CAST: variants seen among roughly 807,000 people sequenced by gnomAD.
CAST encodes calpastatin.
In CAST, 76 loss-of-function variants were observed where a neutral mutation model predicts 119.6. The ratio of observed to expected loss-of-function variants is 0.64; its 90% confidence interval spans 0.53 to 0.77. CAST has a LOEUF of 0.77. Ranked by LOEUF, CAST falls within the 30% of genes least tolerant of loss-of-function variation. The pLI, the probability that CAST is intolerant of heterozygous loss-of-function variation, is 0.00. For synonymous variants in CAST, 319 were observed against 331.6 expected (o/e 0.96, Z 0.41); for missense variants, 953 against 946.5 (o/e 1.01, Z -0.09).
chr5:96,641,304 A>T (rs1299055002), intron 1 of CAST, among the ~76,000 whole-genome samples: 1 of 152,220 alleles, frequency 6.6e-6, no homozygotes, highest in African/African-American at 2.4e-5. Context: ...TAGGTCTTGC[A>T]CTAGGCAAGA....
intron 8 of CAST, among the ~76,000 whole-genome samples, chr5:96,730,011 G>C (rs1011284266): frequency 6.6e-6 from 1 of 152,204 alleles, no homozygotes; most frequent in African/African-American, 2.4e-5. Flanking sequence ...AGCAGGCTCT[G>C]CTGTCTCCCA....
intron 1 of CAST, among the ~76,000 whole-genome samples, chr5:96,616,753 T>TATACACAC (rs1167637550): frequency 2.3e-3 from 306 of 130,828 alleles, no homozygotes; most frequent in African/African-American, 5.9e-3. Flanking sequence ...TCTATATATA[T>TATACACAC]ACACACACAC....
the CAST span, among the ~76,000 whole-genome samples, chr5:96,142,800 G>A: frequency 6.6e-6 from 1 of 152,190 alleles, no homozygotes; most frequent in Non-Finnish European, 1.5e-5. Flanking sequence ...AGGCTTGGCA[G>A]CTTCCCATTC....
In CAST at chr5:96,699,401, C is replaced by T. The variant is rs139933695; in HGVS notation, c.210+3494C>T. Among the ~76,000 whole-genome samples, 578 of 152,296 alleles carry T rather than the reference C, an allele frequency of 3.8e-3. 10 individuals are homozygous for T. Among genetic ancestry groups the T allele is most frequent in the South Asian group, 0.033 (160 of 4,820 alleles). On this transcript the variant is annotated intron_variant, in intron 3 of 31. Coordinates refer to ENST00000675179, the MANE Select transcript of CAST (RefSeq NM_001750.7). ...AGCCAAAAAGGAATTTCTTAAGGAACGGGGTAGCTGGTAGAGAAATCCAGG... is the reference window on the plus strand; with the variant it reads ...AGCCAAAAAGGAATTTCTTAAGGAATGGGGTAGCTGGTAGAGAAATCCAGG...
the CAST span, among the ~76,000 whole-genome samples, chr5:96,106,749 C>T: frequency 6.6e-6 from 1 of 151,758 alleles, no homozygotes; most frequent in Non-Finnish European, 1.5e-5. Context: ...CCACTTGGTG[C>T]AGAGCTGAGT....
At chr5:96,620,421 T>C (rs1243925232) in intron 1 of CAST, among the ~76,000 whole-genome samples, 2 of 152,188 alleles carry the variant, frequency 1.3e-5, no homozygotes, top group Non-Finnish European at 1.5e-5. Context: ...GCAGTATGCT[T>C]CATGATCTTT....
At chr5:96,201,670 A>G in the CAST span, among the ~76,000 whole-genome samples, 26 of 151,940 alleles carry the variant, frequency 1.7e-4, no homozygotes, top group Admixed American at 1.6e-3. Flanking sequence ...GAGTTAATAC[A>G]TGGATCTGGG....
At chr5:96,427,155 G>A in the CAST span, among the ~76,000 whole-genome samples, 1 of 152,100 alleles carries the variant, frequency 6.6e-6, no homozygotes, top group African/African-American at 2.4e-5. Context: ...TCACAGGGCT[G>A]ATTTGAAAGA....
At chr5:96,433,056 G>GC in the CAST span, 1 of 1,612,536 alleles carries the variant, frequency 6.2e-7, no homozygotes, top group Non-Finnish European at 8.5e-7. Context: ...TCACACACTC[G>GC]CTTGAACAAG....
chr5:96,198,210 C>T, the CAST span, among the ~76,000 whole-genome samples: 1 of 152,188 alleles, frequency 6.6e-6, no homozygotes, highest in Admixed American at 6.5e-5. Flanking sequence ...GGCCCTCCTC[C>T]TGTCTCTATC....
the CAST span, chr5:96,433,267 A>G: frequency 1.7e-6 from 1 of 582,406 alleles, no homozygotes; most frequent in Admixed American, 2.9e-5. Context: ...AGCCCTTCCC[A>G]GCCAGAATGG....
the CAST span, among the ~76,000 whole-genome samples, chr5:96,435,821 G>C: frequency 6.6e-6 from 1 of 152,178 alleles, no homozygotes; most frequent in African/African-American, 2.4e-5. Context: ...TTAAGAGCAG[G>C]AAGTAAGAAT....
At chr5:96,019,323 A>T in the CAST span, among the ~76,000 whole-genome samples, 1 of 152,198 alleles carries the variant, frequency 6.6e-6, no homozygotes, top group African/African-American at 2.4e-5. Flanking sequence ...ATTATGATAA[A>T]TATCAGCACG....
the CAST span, among the ~76,000 whole-genome samples, chr5:96,435,676 G>C: frequency 7.2e-5 from 11 of 152,102 alleles, no homozygotes; most frequent in Non-Finnish European, 1.6e-4. Flanking sequence ...ATAGAAAACC[G>C]GATACTCCAG....
At chr5:96,695,744 T>G (rs755507179) in intron 2 of CAST, 92 bp from the exon 3 acceptor site, 5 of 766,932 alleles carry the variant, frequency 6.5e-6, no homozygotes, top group Non-Finnish European at 8.6e-6. Context: ...GATTTTTGCT[T>G]GAGAAAATAT....
At chr5:96,721,786 C>T (rs1758308043) in intron 3 of CAST, among the ~76,000 whole-genome samples, 2 of 152,080 alleles carry the variant, frequency 1.3e-5, no homozygotes, top group Admixed American at 6.6e-5. Flanking sequence ...TACTCCAAAC[C>T]ATACAAGTAT....
the CAST span, among the ~76,000 whole-genome samples, chr5:96,344,929 A>T: frequency 1.3e-5 from 2 of 152,186 alleles, no homozygotes; most frequent in South Asian, 4.1e-4. Flanking sequence ...TGACTTGTAG[A>T]CACAAGGGGT....
intron 9 of CAST, among the ~76,000 whole-genome samples, chr5:96,733,507 A>T (rs1022565661): frequency 6.6e-6 from 1 of 152,200 alleles, no homozygotes; most frequent in African/African-American, 2.4e-5. Context: ...GCTTATGTGG[A>T]AGTCTGCCGT....
the CAST span, among the ~76,000 whole-genome samples, chr5:96,283,794 C>T: frequency 6.6e-6 from 1 of 152,206 alleles, no homozygotes; most frequent in Non-Finnish European, 1.5e-5. Context: ...CGTAAATCCA[C>T]CAATGAAACT....
Sources: gnomAD v4.1 joint callset for allele counts (sites outside exome capture counted in the v4.1 genomes callset) on GRCh38, gnomAD v4.1.1 for gene constraint, MANE v1.5 for transcripts, NCBI Gene and HGNC (gene_info 2026-07-23, HGNC 2026-07-21) for gene names.